Variants in ZBTB8A observed in about 807,000 individuals in gnomAD.
The protein encoded by ZBTB8A is zinc finger and BTB domain-containing protein 8A.
A neutral mutation model predicts 37.8 loss-of-function variants in ZBTB8A; 19 were observed. The observed-to-expected ratio is 0.50, with a 90% CI of 0.35 to 0.74. ZBTB8A has a LOEUF of 0.74. ZBTB8A is among the 30% of genes least tolerant of loss of function. ZBTB8A has a pLI of 0.01. For missense variants in ZBTB8A, 394 were observed against 537.8 expected, an observed-to-expected ratio of 0.73 and a Z score of 2.65; for synonymous variants, 181 against 185.2, an observed-to-expected ratio of 0.98 and a Z score of 0.19.
In ZBTB8A at chr1:32,601,742, C is replaced by T. The variant is rs75096968; in HGVS notation, c.*1323C>T. On this transcript the variant is annotated 3_prime_UTR_variant, in exon 5 of 5. Coordinates refer to ENST00000373510, the MANE Select transcript of ZBTB8A (RefSeq NM_001040441.3). The stretch of plus-strand genomic sequence containing the variant: ...ATGGCAAAGAATAGAAGTCAAACCT[C>T]ACCAGTTGGCAGTCATTATAAAAAT... 2 of 398,240 alleles carry T rather than the reference C, an allele frequency of 5.0e-6. No homozygotes were observed. The highest frequency in any genetic ancestry group is 1.3e-4 in the South Asian group (1 of 7,856). 24.7% of individuals were successfully genotyped at this position (398,240 alleles called of 1,614,324 possible).
chr1:32,547,966 C>A (rs12726639), intron 1 of ZBTB8A, among the ~76,000 whole-genome samples: 1 of 150,904 alleles, frequency 6.6e-6, no homozygotes, highest in Non-Finnish European at 1.5e-5. Flanking sequence ...ACCCCCATCT[C>A]TACTAAAAAT....
Position 32,600,182 on chromosome 1 carries a change from A to G in ZBTB8A, c.1089A>G (p.Arg363=), listed in dbSNP as rs150955612. 2.8e-5 allele frequency: 45 copies of G among 1,614,064 alleles called. No homozygotes were observed. The highest frequency in any genetic ancestry group is 3.6e-5 in the Non-Finnish European group (42 of 1,180,038). The change falls in exon 5 of 5, where the codon AGA becomes AGG. Residue 363 remains arginine (R), a synonymous_variant. Transcript: ENST00000373510. ...QVVQEGTRRY[R]LCNECLAEFG... is the part of the protein sequence containing the mutation. ...TACAGGAGGGAACCAGGCGCTACAG[A>G]CTGTGTAATGAGTGTCTTGCAGAAT...
intron 2 of ZBTB8A, among the ~76,000 whole-genome samples, chr1:32,559,911 C>T (rs914496600): frequency 6.6e-6 from 1 of 152,080 alleles, no homozygotes; most frequent in Non-Finnish European, 1.5e-5. Context: ...TGTACTAGTC[C>T]GTTCTTGCAT....
chr1:32,586,146 C>T (rs565494168), intron 2 of ZBTB8A, among the ~76,000 whole-genome samples: 11 of 151,802 alleles, frequency 7.2e-5, no homozygotes, highest in African/African-American at 2.7e-4. Context: ...GGAGAAACCC[C>T]GTCTGTACTT....
intron 1 of ZBTB8A, among the ~76,000 whole-genome samples, chr1:32,551,019 T>A (rs999501901): frequency 4.0e-5 from 6 of 151,534 alleles, no homozygotes; most frequent in African/African-American, 1.5e-4. Flanking sequence ...GGACAGTAGT[T>A]AATATGCCCT....
chr1:32,572,442 C>G (rs949682624), intron 2 of ZBTB8A, among the ~76,000 whole-genome samples: 1 of 151,380 alleles, frequency 6.6e-6, no homozygotes, highest in Non-Finnish European at 1.5e-5. Flanking sequence ...GTTACCCAGG[C>G]TGGAGTACAG....
intron 2 of ZBTB8A, among the ~76,000 whole-genome samples, chr1:32,560,181 C>A (rs542032136): frequency 4.6e-5 from 7 of 152,220 alleles, no homozygotes; most frequent in Admixed American, 2.0e-4. Context: ...GGGGATGGTG[C>A]TAAACCATCA....
At chr1:32,550,716 T>C (rs2148216399) in intron 1 of ZBTB8A, among the ~76,000 whole-genome samples, 2 of 152,212 alleles carry the variant, frequency 1.3e-5, no homozygotes, top group Admixed American at 1.3e-4. Context: ...CCCAGCACTT[T>C]GGGAGGCCGA....
intron 2 of ZBTB8A, among the ~76,000 whole-genome samples, chr1:32,557,677 C>G (rs1470965496): frequency 6.6e-6 from 1 of 152,084 alleles, no homozygotes; most frequent in Non-Finnish European, 1.5e-5. Flanking sequence ...GTTGCCCAGG[C>G]TAGTCTCAAA....
chr1:32,595,305 G>T lies in ZBTB8A; in HGVS notation c.993+82G>T, dbSNP rs534454905. On this transcript the variant is annotated intron_variant, in intron 4 of 4. Coordinates refer to ENST00000373510, the MANE Select transcript of ZBTB8A (RefSeq NM_001040441.3). Reference sequence around the variant, plus strand: ...TTTTTTGAGATGGAGTTTCACTCTTGTTGCCAGGCTGGAGTACAATGGTGT... The same window carrying T: ...TTTTTTGAGATGGAGTTTCACTCTTTTTGCCAGGCTGGAGTACAATGGTGT... 35 of 1,417,626 alleles carry T rather than the reference G, an allele frequency of 2.5e-5. No homozygotes were observed. The South Asian group carries it at 4.0e-4, about 16-fold the overall frequency. 87.8% of individuals were successfully genotyped at this position (1,417,626 alleles called of 1,614,324 possible).
chr1:32,552,695 A>T (rs1209167930), intron 1 of ZBTB8A, among the ~76,000 whole-genome samples: 1 of 151,724 alleles, frequency 6.6e-6, no homozygotes, highest in Non-Finnish European at 1.5e-5. Context: ...GAAAAAAAGG[A>T]TTGCTTTTGA....
At chr1:32,596,196 CGTCTCTACTAAAAATACAAAAA>C in intron 4 of ZBTB8A, among the ~76,000 whole-genome samples, 1 of 152,016 alleles carries the variant, frequency 6.6e-6, no homozygotes, top group Admixed American at 6.6e-5. Flanking sequence ...GGTGAAACCC[CGTCTCTACTAAAAATACAAAAA>C]AATTAGCCAG....
chr1:32,587,641 A>T (rs557993088), intron 2 of ZBTB8A, among the ~76,000 whole-genome samples: 16 of 152,126 alleles, frequency 1.1e-4, no homozygotes, highest in Admixed American at 2.6e-4. Context: ...ATAATTTTTT[A>T]AAAAAGATGC....
At position 32,604,079 on chromosome 1, in the gene ZBTB8A, C is replaced by A. The variant is rs1372101970; in HGVS notation, c.*3660C>A. 2 of 151,176 alleles carry A rather than the reference C, an allele frequency of 1.3e-5. No individual in the cohort carries two copies. Among genetic ancestry groups the A allele is most frequent in the African/African-American group, 4.9e-5 (2 of 41,072 alleles). The allele number at this position is 151,176 out of a possible 1,614,324, so 9.4% of individuals were successfully genotyped here. A position where few individuals can be genotyped will look rare whatever the true frequency, so the allele number is the denominator to read the frequency against. On this transcript the variant is annotated 3_prime_UTR_variant, in exon 5 of 5. Coordinates refer to ENST00000373510, the MANE Select transcript of ZBTB8A (RefSeq NM_001040441.3). ...ATGCCAAGGATTTTTTTTTTAATAT[C>A]AAGACTTGGTTAGACCAAAGTTTGC... is the stretch of plus-strand genomic sequence containing the variant.
At chr1:32,598,632 A>G (rs760024802) in intron 4 of ZBTB8A, among the ~76,000 whole-genome samples, 28 of 152,088 alleles carry the variant, frequency 1.8e-4, no homozygotes, top group South Asian at 2.1e-4. Flanking sequence ...ACATTATACA[A>G]TTAATTTTTA....
rs370149920 is a variant in ZBTB8A, at chr1:32,581,298, A to G, written c.-1-11633A>G. On this transcript the variant is annotated intron_variant, in intron 2 of 4. Transcript: ENST00000373510. Reference sequence around the variant, plus strand: ...ATACAATATTAATATATATTTATATATTATATAATAATATATAATATATAA... The same window carrying G: ...ATACAATATTAATATATATTTATATGTTATATAATAATATATAATATATAA... Among the ~76,000 whole-genome samples, 165 of 115,494 alleles carry G rather than the reference A, an allele frequency of 1.4e-3. 5 individuals carry two copies. In the East Asian group the frequency reaches 0.029, roughly 20 times the overall value. 75.8% of individuals were successfully genotyped at this position (115,494 alleles called of 152,430 possible). A position where few individuals can be genotyped will look rare whatever the true frequency, so the allele number is the denominator to read the frequency against.
At chr1:32,555,902 AT>A (rs1474746168) in intron 2 of ZBTB8A, among the ~76,000 whole-genome samples, 3 of 151,744 alleles carry the variant, frequency 2.0e-5, no homozygotes, top group African/African-American at 7.3e-5. Flanking sequence ...TTAAAAAAAA[AT>A]TTAATTTTAA....
At chr1:32,577,709 G>A (rs1194103766) in intron 2 of ZBTB8A, among the ~76,000 whole-genome samples, 1 of 148,508 alleles carries the variant, frequency 6.7e-6, no homozygotes, top group Non-Finnish European at 1.5e-5. Context: ...AGCCTCCCGA[G>A]TAACTGGGAT....
intron 1 of ZBTB8A, among the ~76,000 whole-genome samples, chr1:32,551,198 C>T (rs1195399575): frequency 1.3e-5 from 2 of 152,082 alleles, no homozygotes; most frequent in African/African-American, 4.8e-5. Flanking sequence ...ATTATTCCAA[C>T]AAGGTGGGAG....
Sources: gnomAD v4.1 joint callset for allele counts (sites outside exome capture counted in the v4.1 genomes callset) on GRCh38, gnomAD v4.1.1 for gene constraint, MANE v1.5 for transcripts, NCBI Gene and HGNC (gene_info 2026-07-23, HGNC 2026-07-21) for gene names.